Variants in PARD3 observed in about 807,000 individuals in gnomAD.
The protein encoded by PARD3 is par-3 family cell polarity regulator.
Under a neutral mutation model 155.4 loss-of-function variants are expected in PARD3, and 75 were observed. That is an observed-to-expected ratio of 0.48 (90% CI 0.40 to 0.58). The LOEUF (loss-of-function observed/expected upper bound fraction) is 0.58, where lower values mean the gene tolerates loss of function less well. Among genes scored for constraint, PARD3 ranks in the 20% least tolerant of loss-of-function variants. The pLI, the probability that PARD3 is intolerant of heterozygous loss-of-function variation, is 0.00. For missense variants in PARD3, 1,642 were observed against 1,721.7 expected (o/e 0.95, Z 0.82); for synonymous variants, 576 against 610.5 (o/e 0.94, Z 0.83).
At chr10:34,402,706 TAA>T (rs755551910) in intron 5 of PARD3, among the ~76,000 whole-genome samples, 1 of 152,180 alleles carries the variant, frequency 6.6e-6, no homozygotes, top group Non-Finnish European at 1.5e-5. Context: ...AGAAATTCAA[TAA>T]GTTTGCTGGT....
intron 20 of PARD3, among the ~76,000 whole-genome samples, chr10:34,294,841 G>A (rs1169295269): frequency 6.6e-6 from 1 of 152,096 alleles, no homozygotes; most frequent in East Asian, 1.9e-4. Context: ...TGAAGAAAAA[G>A]GGACTAGAGG....
chr10:34,597,113 C>G (rs558571607), intron 2 of PARD3, among the ~76,000 whole-genome samples: 25 of 152,180 alleles, frequency 1.6e-4, no homozygotes, highest in African/African-American at 5.3e-4. Context: ...TACTGAAAGG[C>G]ATTAGCAAGA....
intron 22 of PARD3, among the ~76,000 whole-genome samples, chr10:34,265,888 G>C (rs1297243167): frequency 1.3e-5 from 2 of 152,154 alleles, no homozygotes; most frequent in Non-Finnish European, 2.9e-5. Flanking sequence ...ACATACAAAA[G>C]AACTGCAGAA....
chr10:34,486,839 T>C (rs1303825851), intron 3 of PARD3, among the ~76,000 whole-genome samples: 1 of 151,944 alleles, frequency 6.6e-6, no homozygotes, highest in Non-Finnish European at 1.5e-5. Flanking sequence ...ATAATTGCTA[T>C]ATATAAAATA....
At chr10:34,137,223 C>T (rs1947947437) in intron 22 of PARD3, among the ~76,000 whole-genome samples, 1 of 152,152 alleles carries the variant, frequency 6.6e-6, no homozygotes, top group Non-Finnish European at 1.5e-5. Flanking sequence ...AGAAATGCAG[C>T]AGGGATCACG....
chr10:34,579,165 G>A (rs1220848942), intron 2 of PARD3, among the ~76,000 whole-genome samples: 2 of 151,940 alleles, frequency 1.3e-5, no homozygotes, highest in East Asian at 3.9e-4. Context: ...AGCTACTCAG[G>A]AGGCTGAGGC....
At chr10:34,443,247 T>C (rs1333680786) in intron 5 of PARD3, among the ~76,000 whole-genome samples, 1 of 152,220 alleles carries the variant, frequency 6.6e-6, no homozygotes, top group Non-Finnish European at 1.5e-5. Context: ...AAAATGTTTC[T>C]TCACTAGTTT....
intron 2 of PARD3, among the ~76,000 whole-genome samples, chr10:34,656,644 A>G (rs1318338373): frequency 6.6e-6 from 1 of 152,242 alleles, no homozygotes; most frequent in Non-Finnish European, 1.5e-5. Context: ...AAGCTTCCTA[A>G]TGACAATAAT....
intron 3 of PARD3, among the ~76,000 whole-genome samples, chr10:34,511,855 C>T (rs1056810908): frequency 5.9e-5 from 9 of 152,120 alleles, no homozygotes; most frequent in African/African-American, 1.9e-4. Flanking sequence ...CCTCCCGAGC[C>T]ACAGCGAGTG....
intron 10 of PARD3, among the ~76,000 whole-genome samples, chr10:34,375,274 A>T (rs967420077): frequency 6.6e-6 from 1 of 152,208 alleles, no homozygotes; most frequent in Non-Finnish European, 1.5e-5. Context: ...TCACCAGGGC[A>T]TTGACAAGTA....
rs147771577 is a variant in PARD3, at chr10:34,379,929, G to A, written c.1400-1823C>T. ...AATTAGGCCAAAGAATAATTATACTGACATCTTTTTTTGTACTAAGAGTTG... is the reference window on the plus strand; with the variant it reads ...AATTAGGCCAAAGAATAATTATACTAACATCTTTTTTTGTACTAAGAGTTG... On this transcript the variant is annotated intron_variant, in intron 9 of 24. Transcript: ENST00000374788. Among the ~76,000 whole-genome samples the A allele has an allele frequency of 6.3e-3, 953 of 152,138 alleles. 5 individuals are homozygous for A. Among genetic ancestry groups the A allele is most frequent in the Admixed American group, 9.6e-3 (147 of 15,284 alleles).
intron 22 of PARD3, among the ~76,000 whole-genome samples, chr10:34,191,053 TTA>T (rs1950685249): frequency 6.6e-6 from 1 of 151,832 alleles, no homozygotes; most frequent in Non-Finnish European, 1.5e-5. Context: ...TCAGGAAATG[TTA>T]TGTGAGATTT....
chr10:34,307,698 C>A (rs1006169299), intron 20 of PARD3, among the ~76,000 whole-genome samples: 1 of 152,112 alleles, frequency 6.6e-6, no homozygotes, highest in African/African-American at 2.4e-5. Context: ...TCCAAGACTT[C>A]AGAGAGGCCT....
chr10:34,297,491 A>G (rs1956961947), intron 20 of PARD3, among the ~76,000 whole-genome samples: 1 of 152,220 alleles, frequency 6.6e-6, no homozygotes, highest in Non-Finnish European at 1.5e-5. Context: ...TCATCACTGA[A>G]TATGTAACAG....
chr10:34,717,132 C>A (rs2094533708), intron 1 of PARD3, among the ~76,000 whole-genome samples: 1 of 152,000 alleles, frequency 6.6e-6, no homozygotes, highest in South Asian at 2.1e-4. Context: ...ATGACAAGGG[C>A]ATCTAGTGAG....
chr10:34,592,614 A>G (rs2134380702), intron 2 of PARD3, among the ~76,000 whole-genome samples: 2 of 152,192 alleles, frequency 1.3e-5, no homozygotes, highest in Middle Eastern at 6.8e-3. Flanking sequence ...TGTCTCTACT[A>G]AAAATACAAA....
chr10:34,533,389 C>G (rs1189294153), intron 2 of PARD3, among the ~76,000 whole-genome samples: 2 of 152,068 alleles, frequency 1.3e-5, no homozygotes, highest in Non-Finnish European at 2.9e-5. Context: ...GCAATATATC[C>G]ATGCAACAAA....
chr10:34,230,504 C>T (rs1358980472), intron 22 of PARD3, among the ~76,000 whole-genome samples: 1 of 152,104 alleles, frequency 6.6e-6, no homozygotes, highest in African/African-American at 2.4e-5. Flanking sequence ...TTTTCCATAC[C>T]TAGCGACTCC....
At chr10:34,223,768 C>T (rs1952439521) in intron 22 of PARD3, among the ~76,000 whole-genome samples, 1 of 152,164 alleles carries the variant, frequency 6.6e-6, no homozygotes, top group African/African-American at 2.4e-5. Context: ...TCCACCCAGC[C>T]TCTATATATT....
Sources: gnomAD v4.1 joint callset for allele counts (sites outside exome capture counted in the v4.1 genomes callset) on GRCh38, gnomAD v4.1.1 for gene constraint, MANE v1.5 for transcripts, NCBI Gene and HGNC (gene_info 2026-07-23, HGNC 2026-07-21) for gene names.